Variants in SHISA9 observed in about 807,000 individuals in gnomAD.
SHISA9 encodes shisa family member 9, also known as protein shisa-9.
In SHISA9, 13 loss-of-function variants were observed where a neutral mutation model predicts 38.0. The ratio of observed to expected loss-of-function variants is 0.34; its 90% CI spans 0.22 to 0.54. SHISA9 has a LOEUF of 0.54. Ranked by LOEUF, SHISA9 falls within the 20% of genes least tolerant of loss-of-function variation. The probability of loss-of-function intolerance (pLI) is 0.91; values close to 1 mark genes in which losing one functional copy is unlikely to be tolerated. For synonymous variants in SHISA9, 275 were observed against 242.0 expected (o/e 1.14, Z -1.27); for missense variants, 538 against 575.8 (o/e 0.93, Z 0.67).
chr16:13,016,033 G>A (rs562287894), intron 2 of SHISA9, among the ~76,000 whole-genome samples: 111 of 83,012 alleles, frequency 1.3e-3, no homozygotes, highest in African/African-American at 5.0e-3. Context: ...TTTTGCCCAG[G>A]CTGGAGTACA....
the SHISA9 span, among the ~76,000 whole-genome samples, chr16:13,343,913 C>T: frequency 1.3e-5 from 2 of 152,032 alleles, no homozygotes; most frequent in Non-Finnish European, 2.9e-5. Flanking sequence ...CAGAAAAACA[C>T]GGTGGATTAA....
Position 13,217,054 on chromosome 16 carries a change from G to C in SHISA9, c.895+3754G>C, listed in dbSNP as rs147518724. 3.7e-3 allele frequency among the ~76,000 whole-genome samples: 559 copies of C among 151,686 alleles called. 5 individuals carry two copies. Among genetic ancestry groups the C allele is most frequent in the Non-Finnish European group, 4.2e-3 (284 of 67,928 alleles). On this transcript the variant is annotated intron_variant, in intron 4 of 4. Transcript: ENST00000558583. ...TGGGAGGCCGAGGTGGGCGGATAACGAGGTCAGAGGATCGAGACCATCCTG... is the reference window on the plus strand; with the variant it reads ...TGGGAGGCCGAGGTGGGCGGATAACCAGGTCAGAGGATCGAGACCATCCTG...
intron 2 of SHISA9, among the ~76,000 whole-genome samples, chr16:13,115,711 A>G (rs895736608): frequency 6.6e-6 from 1 of 152,192 alleles, no homozygotes; most frequent in Non-Finnish European, 1.5e-5. Flanking sequence ...AATAATAAAA[A>G]CATATGATGG....
the SHISA9 span, among the ~76,000 whole-genome samples, chr16:13,327,661 T>A: frequency 6.6e-6 from 1 of 151,940 alleles, no homozygotes; most frequent in African/African-American, 2.4e-5. Flanking sequence ...GCCTCAAGAT[T>A]GCACTTTTTT....
At chr16:13,251,540 A>G in the SHISA9 span, among the ~76,000 whole-genome samples, 1 of 152,050 alleles carries the variant, frequency 6.6e-6, no homozygotes, top group Non-Finnish European at 1.5e-5. Context: ...TTAGTGGTGC[A>G]TGTTCCCCTC....
chr16:13,407,366 G>A, the SHISA9 span, among the ~76,000 whole-genome samples: 39 of 152,222 alleles, frequency 2.6e-4, no homozygotes, highest in African/African-American at 8.2e-4. Flanking sequence ...TCACGTGGTG[G>A]AAGAGGCAAG....
At chr16:13,500,652 G>C in the SHISA9 span, among the ~76,000 whole-genome samples, 1 of 151,716 alleles carries the variant, frequency 6.6e-6, no homozygotes, top group South Asian at 2.1e-4. Context: ...CAGGGGGTTG[G>C]GGGAGAGAGA....
chr16:13,058,341 C>T (rs1336212286), intron 2 of SHISA9, among the ~76,000 whole-genome samples: 1 of 152,130 alleles, frequency 6.6e-6, no homozygotes, highest in Admixed American at 6.5e-5. Context: ...AATTGGGACC[C>T]AGGGTACCTA....
At chr16:13,217,162 C>T (rs533529509) in intron 4 of SHISA9, among the ~76,000 whole-genome samples, 43 of 152,016 alleles carry the variant, frequency 2.8e-4, no homozygotes, top group African/African-American at 9.9e-4. Context: ...CCTGTAGTCC[C>T]AGCTACTCGG....
intron 2 of SHISA9, among the ~76,000 whole-genome samples, chr16:13,152,004 T>C (rs1368658639): frequency 6.6e-6 from 1 of 152,244 alleles, no homozygotes; most frequent in Non-Finnish European, 1.5e-5. Flanking sequence ...CGCCTTTACC[T>C]CTAGGGATCC....
At chr16:13,456,287 C>T in the SHISA9 span, among the ~76,000 whole-genome samples, 1 of 152,164 alleles carries the variant, frequency 6.6e-6, no homozygotes, top group Non-Finnish European at 1.5e-5. Flanking sequence ...GTTTCCCACT[C>T]GAATGCTAGC....
At chr16:12,942,193 C>G (rs1236679520) in intron 2 of SHISA9, among the ~76,000 whole-genome samples, 1 of 152,228 alleles carries the variant, frequency 6.6e-6, no homozygotes, top group Non-Finnish European at 1.5e-5. Context: ...TGCAACCCTT[C>G]TCAGGGATGA....
At chr16:13,560,254 A>G in the SHISA9 span, among the ~76,000 whole-genome samples, 1 of 152,352 alleles carries the variant, frequency 6.6e-6, no homozygotes, top group South Asian at 2.1e-4. Context: ...TCTATGGTCC[A>G]GCACTCCCAC....
intron 4 of SHISA9, among the ~76,000 whole-genome samples, chr16:13,224,103 T>C (rs151165341): frequency 1.4e-3 from 216 of 152,270 alleles, no homozygotes; most frequent in African/African-American, 4.9e-3. Context: ...CAAATGTAAA[T>C]TCCTAGTGAA....
chr16:13,121,012 G>T (rs1425291678), intron 2 of SHISA9, among the ~76,000 whole-genome samples: 1 of 151,976 alleles, frequency 6.6e-6, no homozygotes, highest in Non-Finnish European at 1.5e-5. Flanking sequence ...CTGGCCCACT[G>T]CAGGGCTGGG....
chr16:12,976,236 C>T (rs1258093859), intron 2 of SHISA9, among the ~76,000 whole-genome samples: 4 of 151,952 alleles, frequency 2.6e-5, no homozygotes, highest in African/African-American at 7.2e-5. Flanking sequence ...CACAGGTGTG[C>T]GCCACCACAC....
At chr16:13,136,257 A>C (rs1439069778) in intron 2 of SHISA9, among the ~76,000 whole-genome samples, 1 of 152,118 alleles carries the variant, frequency 6.6e-6, no homozygotes, top group African/African-American at 2.4e-5. Flanking sequence ...TTTACCCTAT[A>C]AGGTAGTCTG....
At chr16:13,393,136 A>G in the SHISA9 span, among the ~76,000 whole-genome samples, 36 of 152,264 alleles carry the variant, frequency 2.4e-4, no homozygotes, top group Non-Finnish European at 8.8e-5. Context: ...ACCTGCTTCA[A>G]ACTGATCACA....
intron 2 of SHISA9, among the ~76,000 whole-genome samples, chr16:13,037,950 T>G (rs1444426368): frequency 6.6e-6 from 1 of 152,192 alleles, no homozygotes; most frequent in Non-Finnish European, 1.5e-5. Flanking sequence ...TGGGGATCCC[T>G]GAAAGCATCG....
Sources: gnomAD v4.1 joint callset for allele counts (sites outside exome capture counted in the v4.1 genomes callset) on GRCh38, gnomAD v4.1.1 for gene constraint, MANE v1.5 for transcripts, NCBI Gene and HGNC (gene_info 2026-07-23, HGNC 2026-07-21) for gene names.